The following STK4 variants were observed in gnomAD, a reference collection of about 807,000 sequenced individuals.
STK4 encodes the protein serine/threonine-protein kinase 4.
Under a neutral mutation model 64.9 loss-of-function variants are expected in STK4, and 30 were observed. That is an observed-to-expected ratio of 0.46 (90% CI 0.35 to 0.63). STK4 has a LOEUF of 0.63. Among genes scored for constraint, STK4 ranks in the 20% least tolerant of loss-of-function variants. The pLI, the probability that STK4 is intolerant of heterozygous loss-of-function variation, is 0.01. For missense variants in STK4, 466 were observed against 598.5 expected, an observed-to-expected ratio of 0.78 and a Z score of 2.31; for synonymous variants, 177 against 199.0, an observed-to-expected ratio of 0.89 and a Z score of 0.93.
chr20:44,998,424 A>G (rs1300770063), intron 7 of STK4, among the ~76,000 whole-genome samples: 3 of 152,242 alleles, frequency 2.0e-5, no homozygotes, highest in East Asian at 3.8e-4. Context: ...GTTCACATGT[A>G]TTGAAGACAG....
intron 4 of STK4, among the ~76,000 whole-genome samples, chr20:44,986,515 T>A: frequency 6.9e-6 from 1 of 144,868 alleles, no homozygotes; most frequent in Non-Finnish European, 1.5e-5. Context: ...GGACTGACTT[T>A]TATTTTAAGT....
chr20:45,031,299 A>G (rs538370669), intron 10 of STK4, among the ~76,000 whole-genome samples: 1 of 152,286 alleles, frequency 6.6e-6, no homozygotes, highest in East Asian at 1.9e-4. Flanking sequence ...GGAAATAAGT[A>G]CAGAGACTGT....
intron 3 of STK4, among the ~76,000 whole-genome samples, chr20:44,980,703 C>G (rs981422093): frequency 1.3e-5 from 2 of 152,192 alleles, no homozygotes; most frequent in African/African-American, 4.8e-5. Context: ...TCTCCTCACT[C>G]TGTTGCCCAG....
rs1300360856 is a variant in STK4, at chr20:45,079,382, T to C, written c.*4206T>C. The C allele has an allele frequency of 6.6e-6, 1 of 152,252 alleles. No homozygotes were observed. The highest frequency in any genetic ancestry group is 1.5e-5 in the Non-Finnish European group (1 of 68,036). 9.4% of individuals were successfully genotyped at this position (152,252 alleles called of 1,614,324 possible). The stretch of plus-strand genomic sequence containing the variant: ...ATGTGGCTAGAATATGGCAGAGCCA[T>C]GATTCAGATCCAGGTCTTCTGATTC... On this transcript the variant is annotated 3_prime_UTR_variant, in exon 11 of 11. Transcript: ENST00000372806.
At chr20:44,999,164 G>A (rs199909882) in intron 7 of STK4, among the ~76,000 whole-genome samples, 2 of 152,190 alleles carry the variant, frequency 1.3e-5, no homozygotes, top group South Asian at 2.1e-4. Flanking sequence ...TGAAACTGAT[G>A]TTAAATAATA....
At chr20:45,040,011 T>G (rs2068586936) in intron 10 of STK4, among the ~76,000 whole-genome samples, 1 of 151,878 alleles carries the variant, frequency 6.6e-6, no homozygotes, top group African/African-American at 2.4e-5. Flanking sequence ...CTTTGAGAAT[T>G]GCTGATCTAG....
At chr20:45,060,728 C>G (rs1448738204) in intron 10 of STK4, among the ~76,000 whole-genome samples, 2 of 152,218 alleles carry the variant, frequency 1.3e-5, no homozygotes, top group Non-Finnish European at 2.9e-5. Context: ...AGGTGCTGAG[C>G]ACAATGTCCA....
intron 1 of STK4, among the ~76,000 whole-genome samples, chr20:44,971,665 CTTTTTTT>C (rs71197585): frequency 1.1e-5 from 1 of 90,364 alleles, no homozygotes; most frequent in East Asian, 2.9e-4. Flanking sequence ...AGCCACATGA[CTTTTTTT>C]TTTTTTTTTT....
intron 10 of STK4, among the ~76,000 whole-genome samples, chr20:45,026,401 A>T (rs2068349550): frequency 6.6e-6 from 1 of 151,660 alleles, no homozygotes; most frequent in Non-Finnish European, 1.5e-5. Context: ...TGGTAAGAAG[A>T]TGAGGATGTG....
chr20:45,074,554 C>T (rs6073625), intron 10 of STK4, among the ~76,000 whole-genome samples: 18,572 of 151,828 alleles, frequency 0.12, 1,526 homozygotes, highest in East Asian at 0.22. Flanking sequence ...ATCTGCGCCT[C>T]ATCAGCATCG....
chr20:44,991,699 G>T (rs1465506605), intron 5 of STK4, among the ~76,000 whole-genome samples: 1 of 151,144 alleles, frequency 6.6e-6, no homozygotes, highest in Non-Finnish European at 1.5e-5. Context: ...GTCTTGCTCT[G>T]TCACCCAGCC....
At chr20:45,026,477 G>T (rs770146726) in intron 10 of STK4, among the ~76,000 whole-genome samples, 3 of 152,072 alleles carry the variant, frequency 2.0e-5, no homozygotes, top group Non-Finnish European at 4.4e-5. Flanking sequence ...AGATCCTGAG[G>T]CAGGGACTTG....
intron 10 of STK4, among the ~76,000 whole-genome samples, chr20:45,059,581 C>T (rs997501613): frequency 3.3e-5 from 5 of 152,200 alleles, no homozygotes; most frequent in East Asian, 1.9e-4. Flanking sequence ...AGCAGGACAG[C>T]GCAGGATTTC....
intron 10 of STK4, among the ~76,000 whole-genome samples, chr20:45,041,255 CCT>C (rs2068608745): frequency 6.6e-6 from 1 of 151,946 alleles, no homozygotes; most frequent in African/African-American, 2.4e-5. Flanking sequence ...ATTCCTATCT[CCT>C]CTGTTTCCTC....
intron 3 of STK4, among the ~76,000 whole-genome samples, chr20:44,981,242 C>T (rs995245279): frequency 5.3e-5 from 8 of 151,902 alleles, no homozygotes; most frequent in Non-Finnish European, 1.0e-4. Context: ...GCAACCTCTA[C>T]CTCCTGGGTT....
chr20:44,973,826 G>A, intron 2 of STK4, among the ~76,000 whole-genome samples: 1 of 152,166 alleles, frequency 6.6e-6, no homozygotes, highest in African/African-American at 2.4e-5. Flanking sequence ...GTAAAGTATA[G>A]TGCTTATCAC....
chr20:45,002,944 T>C (rs2067867551), intron 9 of STK4, among the ~76,000 whole-genome samples: 1 of 151,920 alleles, frequency 6.6e-6, no homozygotes, highest in South Asian at 2.1e-4. Context: ...AATAGTAAAA[T>C]GAATTAATTC....
chr20:45,075,264 T>C lies in STK4; in HGVS notation c.*88T>C. The C allele has an allele frequency of 1.3e-6, 2 of 1,509,196 alleles. No homozygotes were observed. The highest frequency in any genetic ancestry group is 1.2e-5 in the South Asian group (1 of 80,740). The allele number at this position is 1,509,196 out of a possible 1,614,324, so 93.5% of individuals were successfully genotyped here. A position where few individuals can be genotyped will look rare whatever the true frequency, so the allele number is the denominator to read the frequency against. On this transcript the variant is annotated 3_prime_UTR_variant, in exon 11 of 11. Coordinates refer to ENST00000372806, the MANE Select transcript of STK4 (RefSeq NM_006282.5). ...CCTCATGTTTGTTAGCCAGCACTTC[T>C]GCTCTGTCGTCTCTCCACAGCACCT...
At chr20:45,021,713 C>T (rs908342692) in intron 9 of STK4, among the ~76,000 whole-genome samples, 2 of 152,208 alleles carry the variant, frequency 1.3e-5, no homozygotes, top group Non-Finnish European at 2.9e-5. Flanking sequence ...ACTCTTGTCA[C>T]TAAAATATTT....
Sources: allele counts gnomAD v4.1 joint callset (sites outside exome capture counted in the v4.1 genomes callset), GRCh38; gene constraint gnomAD v4.1.1; transcripts MANE v1.5; gene names NCBI Gene and HGNC (gene_info 2026-07-23, HGNC 2026-07-21).